CDH18: variants seen among roughly 807,000 people sequenced by gnomAD.
CDH18 encodes cadherin-18.
CDH18 carries 31 observed loss-of-function variants against 67.9 expected under a neutral mutation model. The ratio of observed to expected loss-of-function variants is 0.46; its 90% CI spans 0.34 to 0.62. The LOEUF (loss-of-function observed/expected upper bound fraction) is 0.62, where lower values mean the gene tolerates loss of function less well. Among genes scored for constraint, CDH18 ranks in the 20% least tolerant of loss-of-function variants. CDH18 has a pLI of 0.01. For synonymous variants in CDH18, 362 were observed against 347.2 expected, an observed-to-expected ratio of 1.04 and a Z score of -0.48; for missense variants, 890 against 975.5, an observed-to-expected ratio of 0.91 and a Z score of 1.17.
chr5:20,465,654 ATTG>A (rs1180504720), intron 1 of CDH18, among the ~76,000 whole-genome samples: 5 of 151,996 alleles, frequency 3.3e-5, no homozygotes, highest in East Asian at 1.9e-4. Context: ...TTAAGGATTT[ATTG>A]TTGTGCTGAC....
chr5:20,493,356 TAAAAAAAAAA>T (rs148292031), intron 1 of CDH18, among the ~76,000 whole-genome samples: 40 of 47,208 alleles, frequency 8.5e-4, no homozygotes, highest in East Asian at 1.0e-3. Flanking sequence ...TTCAGAAAAT[TAAAAAAAAAA>T]AAAAAAAAAA....
chr5:20,022,480 C>T (rs867155205), intron 2 of CDH18, among the ~76,000 whole-genome samples: 3 of 152,146 alleles, frequency 2.0e-5, no homozygotes, highest in Non-Finnish European at 2.9e-5. Context: ...TAAATAAATA[C>T]ACAAGATTTG....
intron 2 of CDH18, among the ~76,000 whole-genome samples, chr5:20,029,423 T>G (rs572840375): frequency 3.9e-5 from 6 of 152,316 alleles, no homozygotes; most frequent in Admixed American, 1.3e-4. Context: ...CCTTGTAACA[T>G]TCTCATTAGA....
At chr5:19,658,969 A>AT (rs1378191120) in intron 5 of CDH18, among the ~76,000 whole-genome samples, 8 of 152,084 alleles carry the variant, frequency 5.3e-5, no homozygotes, top group Non-Finnish European at 2.9e-5. Context: ...CTATGCAGCC[A>AT]TAAAAAATGA....
intron 5 of CDH18, among the ~76,000 whole-genome samples, chr5:19,656,977 G>A (rs1451564670): frequency 7.2e-5 from 11 of 151,792 alleles, no homozygotes; most frequent in Middle Eastern, 3.4e-3. Flanking sequence ...TAAACAACAT[G>A]GTATGGGAAT....
chr5:20,399,850 T>C (rs910699032), intron 1 of CDH18, among the ~76,000 whole-genome samples: 1 of 152,124 alleles, frequency 6.6e-6, no homozygotes, highest in Admixed American at 6.5e-5. Flanking sequence ...TCCAGAAATA[T>C]CAAGTAACAA....
chr5:19,990,775 C>T (rs1216196883), upstream of CDH18, among the ~76,000 whole-genome samples: 2 of 151,256 alleles, frequency 1.3e-5, no homozygotes, highest in Non-Finnish European at 2.9e-5. Context: ...TAAAGAAACA[C>T]AAAAGAAAAG....
intron 10 of CDH18, among the ~76,000 whole-genome samples, chr5:19,511,780 T>A (rs1003605126): frequency 7.9e-5 from 12 of 152,060 alleles, no homozygotes; most frequent in Admixed American, 6.6e-4. Flanking sequence ...AACTTAGGTT[T>A]TAAAGGGAAG....
intron 1 of CDH18, among the ~76,000 whole-genome samples, chr5:20,486,292 T>C (rs1304020971): frequency 6.6e-6 from 1 of 152,154 alleles, no homozygotes; most frequent in Admixed American, 6.6e-5. Context: ...TATTGCAATA[T>C]GTAAAGATCA....
At chr5:19,671,226 G>A (rs1758709020) in intron 5 of CDH18, among the ~76,000 whole-genome samples, 1 of 152,086 alleles carries the variant, frequency 6.6e-6, no homozygotes, top group Admixed American at 6.6e-5. Flanking sequence ...GAGAATTTAT[G>A]TGCTCTCAGG....
intron 5 of CDH18, among the ~76,000 whole-genome samples, chr5:19,675,800 A>T (rs1365261281): frequency 2.6e-5 from 4 of 152,070 alleles, no homozygotes. Flanking sequence ...GGAAGTGATA[A>T]GTGTCCATGA....
chr5:20,420,344 C>G (rs1418292691), intron 1 of CDH18, among the ~76,000 whole-genome samples: 1 of 151,122 alleles, frequency 6.6e-6, no homozygotes, highest in East Asian at 1.9e-4. Flanking sequence ...GAGTTAAGGA[C>G]TTATTCTTTA....
At chr5:19,608,400 G>C (rs1748415732) in intron 6 of CDH18, among the ~76,000 whole-genome samples, 1 of 150,618 alleles carries the variant, frequency 6.6e-6, no homozygotes, top group African/African-American at 2.4e-5. Flanking sequence ...GAGAAGCTTT[G>C]TTTTCTTTTT....
chr5:19,695,809 G>C (rs1762465564), intron 5 of CDH18, among the ~76,000 whole-genome samples: 1 of 152,182 alleles, frequency 6.6e-6, no homozygotes, highest in East Asian at 1.9e-4. Context: ...TGTGTGAGGA[G>C]AGTGATTAAC....
intron 10 of CDH18, among the ~76,000 whole-genome samples, chr5:19,505,490 C>T (rs375510040): frequency 6.6e-6 from 1 of 152,050 alleles, no homozygotes; most frequent in Admixed American, 6.6e-5. Context: ...GAGATACATC[C>T]CATCAATACC....
chr5:19,974,521 A>C (rs62353344), intron 2 of CDH18, among the ~76,000 whole-genome samples: 817 of 28,046 alleles, frequency 0.029, 4 homozygotes, highest in African/African-American at 0.11. Flanking sequence ...CCTGTCTCCC[A>C]AAAAAAAAAA....
intron 2 of CDH18, among the ~76,000 whole-genome samples, chr5:20,161,679 T>C (rs911752186): frequency 2.0e-5 from 3 of 152,214 alleles, no homozygotes; most frequent in Non-Finnish European, 4.4e-5. Context: ...ATTCTGTTGT[T>C]CTACTATCTC....
chr5:20,242,625 T>TAC lies in CDH18; in HGVS notation c.-518+12818_-518+12819insGT, dbSNP rs1561906010. ...AAAAAAAAAAAAATATATATATATA[T>TAC]ATATATATGTATATATATATATATA... On this transcript the variant is annotated intron_variant, in intron 2 of 14. Transcript: ENST00000507958. Among the ~76,000 whole-genome samples the TAC allele has an allele frequency of 1.2e-4, 13 of 104,120 alleles. 1 individual carries two copies. The highest frequency in any genetic ancestry group is 1.6e-4 in the Non-Finnish European group (9 of 55,588). 68.3% of individuals were successfully genotyped at this position (104,120 alleles called of 152,430 possible). A position where few individuals can be genotyped will look rare whatever the true frequency, so the allele number is the denominator to read the frequency against.
intron 2 of CDH18, among the ~76,000 whole-genome samples, chr5:20,154,308 C>T (rs1751357691): frequency 6.6e-6 from 1 of 152,090 alleles, no homozygotes; most frequent in Non-Finnish European, 1.5e-5. Flanking sequence ...AATGTTCCTG[C>T]CTTTTCAATT....
Sources: allele counts gnomAD v4.1 joint callset (sites outside exome capture counted in the v4.1 genomes callset), GRCh38; gene constraint gnomAD v4.1.1; transcripts MANE v1.5; gene names NCBI Gene and HGNC (gene_info 2026-07-23, HGNC 2026-07-21).